KMT2D: variants seen among roughly 807,000 people sequenced by gnomAD.
KMT2D encodes histone-lysine N-methyltransferase 2D.
A neutral mutation model predicts 512.7 loss-of-function variants in KMT2D; 55 were observed. The ratio of observed to expected loss-of-function variants is 0.11; its 90% CI spans 0.09 to 0.13. The LOEUF (loss-of-function observed/expected upper bound fraction) is 0.13, where lower values mean the gene tolerates loss of function less well. Among genes scored for constraint, KMT2D ranks in the 10% least tolerant of loss-of-function variants. The probability of loss-of-function intolerance (pLI) is 1.00; values close to 1 mark genes in which losing one functional copy is unlikely to be tolerated. For missense variants in KMT2D, 6,061 were observed against 7,127.9 expected, an observed-to-expected ratio of 0.85 and a Z score of 5.39; for synonymous variants, 2,995 against 2,904.0, an observed-to-expected ratio of 1.03 and a Z score of -1.01.
rs2120659204 is a variant in KMT2D, at chr12:49,050,894, A to T, written c.2789T>A (p.Met930Lys). 1.3e-6 allele frequency: 2 copies of T among 1,536,956 alleles called. No individual in the cohort carries two copies. Among genetic ancestry groups the T allele is most frequent in the East Asian group, 4.5e-5 (2 of 44,062 alleles). ...SGEPSLSPQL[M>K]PPDPLPPPLS... Reference sequence around the variant, plus strand: ...TACTAACATCCCCTTACCTGGTGGCATCAGCTGAGGCGACAAGGATGGCTC... The same window carrying T: ...TACTAACATCCCCTTACCTGGTGGCTTCAGCTGAGGCGACAAGGATGGCTC... The change falls in exon 11 of 55, where the codon ATG becomes AAG. Residue 930 changes from methionine (M) to lysine (K), a missense_variant. Physicochemically the swap from Met to Lys is moderately conservative, Grantham distance 95. This residue lies in a region of KMT2D where 848 missense variants were observed against 838.5 expected (regional missense o/e 1.01). Transcript: ENST00000301067.
rs1371328229 is a variant in KMT2D at position 49,051,283 on chromosome 12, C to T, written c.2400G>A (p.Gln800=). The stretch of plus-strand genomic sequence containing the variant: ...GGGGGGACAGGTGCAATTCCTCAGG[C>T]TGAGGGGACAGATGTGGTCCCTCAG... ...PQAEGPHLSP[Q]PEELHLSPQT... Residue 800 remains glutamine (Q), a synonymous_variant, in exon 11 of 55, where the codon CAG becomes CAA. Coordinates refer to ENST00000301067, the MANE Select transcript of KMT2D (RefSeq NM_003482.4). The T allele has an allele frequency of 1.3e-6, 2 of 1,559,546 alleles. No individual in the cohort carries two copies. Among genetic ancestry groups the T allele is most frequent in the Non-Finnish European group, 1.7e-6 (2 of 1,152,232 alleles).
Position 49,026,876 on chromosome 12 carries a change from A to C in KMT2D, c.15090T>G (p.Arg5030=), listed in dbSNP as rs373414243. The C allele has an allele frequency of 3.0e-4, 489 of 1,613,892 alleles. No homozygotes were observed. The highest frequency in any genetic ancestry group is 3.6e-4 in the Non-Finnish European group (429 of 1,179,910). ...CCTCCTCATGACAGAAACAGCAGCG[A>C]CGCATGTCTCGCGGTACCTTGTCAG... ...LRPDKVPRDM[R]RCCFCHEEGD... Residue 5030 remains arginine, a synonymous_variant, in exon 49 of 55, where the codon CGT becomes CGG. Coordinates refer to ENST00000301067, the MANE Select transcript of KMT2D (RefSeq NM_003482.4). This position sits in a 1 kb window ranked among gnomAD's most constrained non-coding sequence, Gnocchi z 9.6.
In KMT2D at chr12:49,039,693, TA is replaced by T; in HGVS notation, c.8046+30del. 1 of 1,607,660 alleles carries T rather than the reference TA, an allele frequency of 6.2e-7. No individual in the cohort carries two copies. Among genetic ancestry groups the T allele is most frequent in the Non-Finnish European group, 8.5e-7 (1 of 1,177,882 alleles). The stretch of plus-strand genomic sequence containing the variant: ...GGCTGCCCCAGAGACAGGAGCGATA[TA>T]GGGGGCTTAGCTCCAGGGTGTCAAC... On this transcript the variant is annotated intron_variant, in intron 32 of 54. Transcript: ENST00000301067. The surrounding 1 kb of genome is among the most constrained non-coding windows in gnomAD (Gnocchi z 5.0).
chr12:49,052,470 C>A (rs770564304), intron 10 of KMT2D, 46 bp from the exon 11 acceptor site: 1 of 1,555,282 alleles, frequency 6.4e-7, no homozygotes, highest in Non-Finnish European at 8.7e-7. Context: ...CAGATCTACT[C>A]CACAGAAAGT....
rs1943517820 is a variant in KMT2D, at chr12:49,041,358, A to G, written c.6412T>C (p.Ser2138Pro). The G allele has an allele frequency of 6.3e-7, 1 of 1,580,106 alleles. No individual in the cohort carries two copies. The highest frequency in any genetic ancestry group is 1.4e-5 in the African/African-American group (1 of 73,830). ...GGCGGCTTCAGGAACCCGTCCGCAG[A>G]GGTAGACAAGCCGGCGGGGGTAGTG... ...SPTTPAGLST[S>P]ADGFLKPPAG... The change falls in exon 32 of 55, where the codon TCT becomes CCT. Residue 2138 changes from serine to proline, a missense_variant. Ser to Pro is a moderately conservative substitution (Grantham distance 74). Around this residue, in one of 16 missense-constraint regions of KMT2D, gnomAD observed 710 missense variants for 647.3 expected, o/e 1.10. Transcript: ENST00000301067. The surrounding 1 kb of genome is among the most constrained non-coding windows in gnomAD (Gnocchi z 5.4).
Position 49,039,994 on chromosome 12 carries a change from G to A in KMT2D, c.7776C>T (p.Ser2592=), listed in dbSNP as rs2120520705. ...VATGNFHPSG[S]PLGPSSGSTG... ...TGGACCCGCTGCTGGGCCCCAGGGGGCTGCCCGATGGGTGGAAGTTCCCTG... is the reference window on the plus strand; with the variant it reads ...TGGACCCGCTGCTGGGCCCCAGGGGACTGCCCGATGGGTGGAAGTTCCCTG... Residue 2592 remains serine (S), a synonymous_variant, in exon 32 of 55, where the codon AGC becomes AGT. Transcript: ENST00000301067. The surrounding 1 kb of genome is among the most constrained non-coding windows in gnomAD (Gnocchi z 5.0). 2 of 1,613,692 alleles carry A rather than the reference G, an allele frequency of 1.2e-6. No individual in the cohort carries two copies. The highest frequency in any genetic ancestry group is 1.3e-5 in the African/African-American group (1 of 75,074).
rs759031084 is a variant in KMT2D, at chr12:49,037,939, G to A, written c.9417C>T (p.Pro3139=). Residue 3139 remains proline, a synonymous_variant, in exon 35 of 55, where the codon CCC becomes CCT. Coordinates refer to ENST00000301067, the MANE Select transcript of KMT2D (RefSeq NM_003482.4). Reference sequence around the variant, plus strand: ...TGGCAGCAGGTGCGGGCTCTACCTTGGGGGTAGCAATGGTGAATTGGCAAG... The same window carrying A: ...TGGCAGCAGGTGCGGGCTCTACCTTAGGGGTAGCAATGGTGAATTGGCAAG... The part of the protein sequence containing the change: ...PSPCQFTIAT[P]KVEPAPAANS... 18 of 1,604,216 alleles carry A rather than the reference G, an allele frequency of 1.1e-5. No individual in the cohort carries two copies. The highest frequency in any genetic ancestry group is 2.7e-5 in the African/African-American group (2 of 74,764).
rs2120683773 is a variant in KMT2D at position 49,052,244 on chromosome 12, G to A, written c.1439C>T (p.Pro480Leu). Residue 480 changes from proline to leucine, a missense_variant, in exon 11 of 55, where the codon CCT becomes CTT. Around this residue, in one of 16 missense-constraint regions of KMT2D, gnomAD observed 848 missense variants for 838.5 expected, o/e 1.01. Coordinates refer to ENST00000301067, the MANE Select transcript of KMT2D (RefSeq NM_003482.4). ...PPEELPASPL[P>L]EALHLSRPLE... is the part of the protein sequence containing the mutation. Reference sequence around the variant, plus strand: ...CGGCCGGGACAGGTGCAATGCCTCAGGAAGTGGGGATGCGGGCAATTCCTC... The same window carrying A: ...CGGCCGGGACAGGTGCAATGCCTCAAGAAGTGGGGATGCGGGCAATTCCTC... The A allele has an allele frequency of 6.2e-7, 1 of 1,612,380 alleles. No homozygotes were observed. Among genetic ancestry groups the A allele is most frequent in the Non-Finnish European group, 8.5e-7 (1 of 1,179,126 alleles).
chr12:49,050,739 G>A lies in KMT2D; in HGVS notation c.2849C>T (p.Ala950Val), dbSNP rs1407542153. The change falls in exon 12 of 55, where the codon GCC becomes GTC. Residue 950 changes from alanine to valine, a missense_variant. Around this residue, in one of 16 missense-constraint regions of KMT2D, gnomAD observed 848 missense variants for 838.5 expected, o/e 1.01. Coordinates refer to ENST00000301067, the MANE Select transcript of KMT2D (RefSeq NM_003482.4). Reference sequence around the variant, plus strand: ...CTCTAACTCCCCCAAAGGAGACAGGGCCGGTGGGGCCGCAGCTGTGATGAT... The same window carrying A: ...CTCTAACTCCCCCAAAGGAGACAGGACCGGTGGGGCCGCAGCTGTGATGAT... ...SPIITAAAPP[A>V]LSPLGELEYP... The A allele has an allele frequency of 6.2e-7, 1 of 1,613,056 alleles. No individual in the cohort carries two copies. The highest frequency in any genetic ancestry group is 1.7e-5 in the Admixed American group (1 of 59,998).
intron 1 of KMT2D, among the ~76,000 whole-genome samples, chr12:49,057,052 G>A (rs1938450831): frequency 1.3e-5 from 2 of 152,052 alleles, no homozygotes; most frequent in African/African-American, 4.8e-5. Flanking sequence ...AACCACATTC[G>A]AAAGGAAAGC....
At position 49,019,801 on chromosome 12, in the gene KMT2D, A is replaced by G. The variant is rs1231731874; in HGVS notation, c.*1979T>C. On this transcript the variant is annotated 3_prime_UTR_variant, in exon 55 of 55. Coordinates refer to ENST00000301067, the MANE Select transcript of KMT2D (RefSeq NM_003482.4). Reference sequence around the variant, plus strand: ...AAACAGTTGAGGAAGCAGCTTTAAAAAAAAAAAATCTCCCTACCCCCAACA... The same window carrying G: ...AAACAGTTGAGGAAGCAGCTTTAAAGAAAAAAAATCTCCCTACCCCCAACA... 4.3e-6 allele frequency: 1 copy of G among 231,912 alleles called. No homozygotes were observed. Among genetic ancestry groups the G allele is most frequent in the African/African-American group, 2.2e-5 (1 of 45,182 alleles). 14.4% of individuals were successfully genotyped at this position (231,912 alleles called of 1,614,324 possible). A position where few individuals can be genotyped will look rare whatever the true frequency, so the allele number is the denominator to read the frequency against.
chr12:49,039,909 G>A lies in KMT2D; in HGVS notation c.7861C>T (p.Pro2621Ser), dbSNP rs760061103. The A allele has an allele frequency of 1.2e-6, 2 of 1,614,036 alleles. No homozygotes were observed. The highest frequency in any genetic ancestry group is 1.1e-5 in the South Asian group (1 of 91,084). The change falls in exon 32 of 55, where the codon CCC becomes TCC. Residue 2621 changes from proline to serine, a missense_variant. Pro to Ser is a moderately conservative substitution (Grantham distance 74). This residue lies in a region of KMT2D where 527 missense variants were observed against 578.9 expected (regional missense o/e 0.91). Coordinates refer to ENST00000301067, the MANE Select transcript of KMT2D (RefSeq NM_003482.4). The surrounding 1 kb of genome is among the most constrained non-coding windows in gnomAD (Gnocchi z 5.0). Reference protein sequence around the residue: ...RPPSVLPPPAPDGSLPYLSHG... With the variant: ...RPPSVLPPPASDGSLPYLSHG... ...GACAGGTAGGGGAGGGATCCGTCGG[G>A]TGCAGGTGGTGGCAGAACCGACGGA...
chr12:49,033,340 G>C lies in KMT2D; in HGVS notation c.11365C>G (p.Gln3789Glu), dbSNP rs1943050826. 1 of 1,592,874 alleles carries C rather than the reference G, an allele frequency of 6.3e-7. No individual in the cohort carries two copies. The highest frequency in any genetic ancestry group is 8.5e-7 in the Non-Finnish European group (1 of 1,169,982). ...PSSHQGLLVQ[Q>E]LSPQPPQGPQ... Reference sequence around the variant, plus strand: ...CCCTGGGGTGGTTGAGGGGACAGCTGCTGGACCAGGAGGCCTTGGTGGCTG... The same window carrying C: ...CCCTGGGGTGGTTGAGGGGACAGCTCCTGGACCAGGAGGCCTTGGTGGCTG... The change falls in exon 40 of 55, where the codon CAG becomes GAG. Residue 3789 changes from glutamine (Q) to glutamate (E), a missense_variant. Transcript: ENST00000301067.
chr12:49,033,585 C>CCCT lies in KMT2D; in HGVS notation c.11119_11120insAGG (p.Arg3707delinsGlnGly), dbSNP rs752107080. 3 of 1,613,488 alleles carry CCCT rather than the reference C, an allele frequency of 1.9e-6. No homozygotes were observed. The highest frequency in any genetic ancestry group is 1.7e-6 in the Non-Finnish European group (2 of 1,179,782). ...AAGCCTTGAATCAGGTCCGAGGCTT[C>CCCT]GAAGAGCAAGGTTGCCAGGGAAGAA... On this transcript the variant is annotated protein_altering_variant, in exon 40 of 55. Coordinates refer to ENST00000301067, the MANE Select transcript of KMT2D (RefSeq NM_003482.4).
At position 49,024,663 on chromosome 12, in the gene KMT2D, G is replaced by A. The variant is rs1174648579; in HGVS notation, c.15967C>T (p.Arg5323Cys). ...SCQNYLFRYG[R>C]HPLMELPLMI... Reference sequence around the variant, plus strand: ...AGTGGCAGCTCCATAAGGGGGTGGCGCCCATAGCGGAATAAATAGTTTTGA... The same window carrying A: ...AGTGGCAGCTCCATAAGGGGGTGGCACCCATAGCGGAATAAATAGTTTTGA... The change falls in exon 51 of 55, where the codon CGC becomes TGC. Residue 5323 changes from arginine (R) to cysteine (C), a missense_variant. By Grantham distance (180) the Arg-to-Cys change is radical. Transcript: ENST00000301067. This position sits in a 1 kb window ranked among gnomAD's most constrained non-coding sequence, Gnocchi z 4.5. 4.3e-6 allele frequency: 7 copies of A among 1,613,722 alleles called. No homozygotes were observed. Among genetic ancestry groups the A allele is most frequent in the African/African-American group, 1.3e-5 (1 of 74,898 alleles).
rs1490744355 is a variant in KMT2D, at chr12:49,051,724, T to C, written c.1959A>G (p.Leu653=). The C allele has an allele frequency of 3.0e-6, 3 of 1,013,864 alleles. No individual in the cohort carries two copies. The highest frequency in any genetic ancestry group is 5.1e-5 in the African/African-American group (2 of 39,298). 62.8% of individuals were successfully genotyped at this position (1,013,864 alleles called of 1,614,324 possible). ...GGCGTGACACCACAGGCAGGGGGGA[T>C]AGGCGCGATACCTCAGGTGGGGGGG... ...PMSPPPEVSR[L]SPLPVVSRLS... Residue 653 remains leucine, a synonymous_variant, in exon 11 of 55, where the codon CTA becomes CTG. Coordinates refer to ENST00000301067, the MANE Select transcript of KMT2D (RefSeq NM_003482.4).
intron 43 of KMT2D, among the ~76,000 whole-genome samples, 192 bp from the exon 44 acceptor site, chr12:49,029,668 GTTTT>G (rs796401408): frequency 3.6e-4 from 42 of 117,446 alleles, no homozygotes; most frequent in Admixed American, 8.7e-4. Context: ...GTTGTTTTTT[GTTTT>G]TTTTGTTTTT....
chr12:49,041,879 T>C lies in KMT2D; in HGVS notation c.6183+38A>G. The C allele has an allele frequency of 6.4e-7, 1 of 1,571,264 alleles. No homozygotes were observed. Among genetic ancestry groups the C allele is most frequent in the Non-Finnish European group, 8.7e-7 (1 of 1,154,526 alleles). On this transcript the variant is annotated intron_variant, in intron 30 of 54. Transcript: ENST00000301067. The surrounding 1 kb of genome is among the most constrained non-coding windows in gnomAD (Gnocchi z 5.4). ...TTACCCAAAGATCCCTCCCTCCCTC[T>C]CAGTTCCCACGCTAATCCATGCTCC...
At position 49,049,997 on chromosome 12, in the gene KMT2D, G is replaced by C; in HGVS notation, c.3591C>G (p.Pro1197=). ...EPRAPVAPTP[P]TLIKSDIVNE... is the part of the protein sequence containing the mutation. ...TAACGATGTCGGATTTGATGAGAGT[G>C]GGTGGTGTGGGGGCCACCGGTGCAC... is the stretch of plus-strand genomic sequence containing the variant. The change falls in exon 12 of 55, where the codon CCC becomes CCG. Residue 1197 remains proline (P), a synonymous_variant. Transcript: ENST00000301067. The C allele has an allele frequency of 6.2e-7, 1 of 1,613,952 alleles. No homozygotes were observed. Among genetic ancestry groups the C allele is most frequent in the Non-Finnish European group, 8.5e-7 (1 of 1,179,890 alleles).
Sources: allele counts gnomAD v4.1 joint callset (sites outside exome capture counted in the v4.1 genomes callset), GRCh38; gene constraint gnomAD v4.1.1; regional missense constraint gnomAD v4.1.1; non-coding constraint Gnocchi (gnomAD v3.1); transcripts MANE v1.5; gene names NCBI Gene and HGNC (gene_info 2026-07-23, HGNC 2026-07-21).